CORO2A: variants seen among roughly 807,000 people sequenced by gnomAD.
The protein encoded by CORO2A is coronin-2A.
CORO2A carries 47 observed loss-of-function variants against 62.4 expected under a neutral mutation model. The ratio of observed to expected loss-of-function variants is 0.75; its 90% CI spans 0.60 to 0.96. CORO2A has a LOEUF of 0.96. Among genes scored for constraint, CORO2A ranks in the 40% least tolerant of loss-of-function variants. CORO2A has a pLI of 0.00. For missense variants in CORO2A, 610 were observed against 684.1 expected, an observed-to-expected ratio of 0.89 and a Z score of 1.21; for synonymous variants, 273 against 268.9, an observed-to-expected ratio of 1.02 and a Z score of -0.15.
chr9:98,132,877 C>G (rs532183665), intron 5 of CORO2A, among the ~76,000 whole-genome samples, 161 bp downstream of exon 5: 48 of 152,362 alleles, frequency 3.2e-4, no homozygotes, highest in African/African-American at 1.1e-3. Flanking sequence ...AAGGACATAT[C>G]CCACCTTCCA....
intron 1 of CORO2A, among the ~76,000 whole-genome samples, chr9:98,180,399 G>A (rs1167822074): frequency 2.6e-5 from 4 of 151,852 alleles, no homozygotes; most frequent in South Asian, 2.1e-4. Context: ...CCATCCCCTC[G>A]CAGGCCATGG....
chr9:98,122,588 G>A lies in CORO2A; in HGVS notation c.*2186C>T, dbSNP rs879250803. On this transcript the variant is annotated 3_prime_UTR_variant, in exon 12 of 12. Coordinates refer to ENST00000375077, the MANE Select transcript of CORO2A (RefSeq NM_052820.4). ...GGGCTCGGAACACAGATTCACTAAG[G>A]AGGGACAAAGAAAAGCTTTCAGGCT... is the stretch of plus-strand genomic sequence containing the variant. 2.1e-4 allele frequency: 32 copies of A among 152,212 alleles called. No homozygotes were observed. Among genetic ancestry groups the A allele is most frequent in the African/African-American group, 7.7e-4 (32 of 41,432 alleles). 9.4% of individuals were successfully genotyped at this position (152,212 alleles called of 1,614,324 possible). A position where few individuals can be genotyped will look rare whatever the true frequency, so the allele number is the denominator to read the frequency against.
intron 3 of CORO2A, 51 bp from the exon 4 acceptor site, chr9:98,135,006 C>G: frequency 1.3e-6 from 2 of 1,594,814 alleles, no homozygotes; most frequent in Non-Finnish European, 1.7e-6. Context: ...CACCTTGGCA[C>G]CGTCACCAGC....
At chr9:98,126,879 TG>T (rs1476238302) in intron 10 of CORO2A, 56 bp from the exon 11 acceptor site, 1 of 1,584,008 alleles carries the variant, frequency 6.3e-7, no homozygotes, top group Non-Finnish European at 8.7e-7. Flanking sequence ...GATGGGCATA[TG>T]GGGCACCAAT....
chr9:98,175,639 G>T (rs953460855), intron 1 of CORO2A, among the ~76,000 whole-genome samples: 3 of 152,224 alleles, frequency 2.0e-5, no homozygotes, highest in Non-Finnish European at 4.4e-5. Context: ...TGGATGCAGA[G>T]GGGCTGGTTT....
At chr9:98,142,434 A>G (rs1358128066) in intron 2 of CORO2A, among the ~76,000 whole-genome samples, 3 of 151,630 alleles carry the variant, frequency 2.0e-5, no homozygotes. Context: ...TCCTTCCTGC[A>G]CACAGCCTTT....
chr9:98,170,426 A>G (rs1828018397), intron 1 of CORO2A, among the ~76,000 whole-genome samples: 1 of 152,152 alleles, frequency 6.6e-6, no homozygotes. Flanking sequence ...GTCAGGCTGG[A>G]GAATCCTAAT....
At chr9:98,191,898 C>T (rs1302730548) in intron 1 of CORO2A, among the ~76,000 whole-genome samples, 4 of 152,200 alleles carry the variant, frequency 2.6e-5, no homozygotes, top group African/African-American at 4.8e-5. Flanking sequence ...GGGGAAGGAG[C>T]TATCCTATAC....
intron 3 of CORO2A, 145 bp from the exon 4 acceptor site, chr9:98,135,100 T>C (rs1827467897): frequency 6.5e-6 from 7 of 1,082,178 alleles, no homozygotes; most frequent in Admixed American, 2.8e-5. Context: ...GCTATGGGCA[T>C]TGAGGGGCAG....
chr9:98,135,214 C>A (rs1002930474), intron 3 of CORO2A, among the ~76,000 whole-genome samples: 1 of 152,202 alleles, frequency 6.6e-6, no homozygotes, highest in East Asian at 1.9e-4. Flanking sequence ...GCCTCCAAAT[C>A]TGCCCTTGAG....
chr9:98,128,434 G>C (rs1276583555), intron 9 of CORO2A, among the ~76,000 whole-genome samples, 173 bp downstream of exon 9: 1 of 152,174 alleles, frequency 6.6e-6, no homozygotes, highest in East Asian at 1.9e-4. Context: ...AACAGAGGTG[G>C]ACCGAGACCC....
chr9:98,167,104 A>T (rs936056195), intron 1 of CORO2A, among the ~76,000 whole-genome samples: 2 of 75,480 alleles, frequency 2.6e-5, no homozygotes, highest in African/African-American at 1.1e-4. Flanking sequence ...ATCCTGTCTC[A>T]AAAAAAAAAA....
In CORO2A at chr9:98,134,908, C is replaced by T. The variant is rs1035663893; in HGVS notation, c.366G>A (p.Thr122=). The T allele has an allele frequency of 3.3e-5, 53 of 1,614,034 alleles. No homozygotes were observed. The highest frequency in any genetic ancestry group is 3.8e-5 in the Non-Finnish European group (45 of 1,180,042). The change falls in exon 4 of 12, where the codon ACG becomes ACA. Residue 122 remains threonine (T), a synonymous_variant. Transcript: ENST00000375077. ...GGCCCACGAGTTCCTTCCTGTAGGC[C>T]GTGAGGTTCCTGGTCAGCAGCTGCT... ...IPKQLLTRNL[T]AYRKELVGHA...
intron 7 of CORO2A, among the ~76,000 whole-genome samples, chr9:98,130,406 T>G (rs1402814339): frequency 1.3e-5 from 2 of 152,106 alleles, no homozygotes; most frequent in Non-Finnish European, 2.9e-5. Flanking sequence ...ATTTTAATAT[T>G]CAATCCTCCC....
chr9:98,135,182 C>A (rs942257723), intron 3 of CORO2A, among the ~76,000 whole-genome samples: 3 of 152,206 alleles, frequency 2.0e-5, no homozygotes, highest in Admixed American at 2.0e-4. Flanking sequence ...CAGGGGCCAG[C>A]GCTGACCAGG....
chr9:98,191,018 A>G (rs1455569022), intron 1 of CORO2A, among the ~76,000 whole-genome samples: 1 of 152,206 alleles, frequency 6.6e-6, no homozygotes, highest in Non-Finnish European at 1.5e-5. Context: ...AATACCTGTG[A>G]TGACAAAGAG....
chr9:98,174,132 C>CA (rs1564217237), intron 1 of CORO2A, among the ~76,000 whole-genome samples: 1 of 79,636 alleles, frequency 1.3e-5, no homozygotes, highest in African/African-American at 5.3e-5. Flanking sequence ...ACCGCCAAAA[C>CA]AAAAAACAAA....
intron 1 of CORO2A, among the ~76,000 whole-genome samples, chr9:98,178,891 G>A (rs911235183): frequency 6.6e-6 from 1 of 152,204 alleles, no homozygotes; most frequent in Non-Finnish European, 1.5e-5. Flanking sequence ...CACTTTGCAG[G>A]TGAGGAAACA....
intron 1 of CORO2A, among the ~76,000 whole-genome samples, chr9:98,177,457 G>GTTTTTTTTTTTTT (rs1174402008): frequency 3.1e-5 from 3 of 98,346 alleles, no homozygotes; most frequent in African/African-American, 4.4e-5. Flanking sequence ...TCCAAACTTT[G>GTTTTTTTTTTTTT]TTTTTTTTTT....
Sources: gnomAD v4.1 joint callset for allele counts (sites outside exome capture counted in the v4.1 genomes callset) on GRCh38, gnomAD v4.1.1 for gene constraint, MANE v1.5 for transcripts, NCBI Gene and HGNC (gene_info 2026-07-23, HGNC 2026-07-21) for gene names.